Variants in AKR1C2 observed in about 807,000 individuals in gnomAD.
AKR1C2 encodes the protein 3-alpha-HSD3.
AKR1C2 carries 27 observed loss-of-function variants against 39.8 expected under a neutral mutation model. The observed-to-expected ratio is 0.68, with a 90% CI of 0.50 to 0.93. AKR1C2 has a LOEUF of 0.93. AKR1C2 is among the 40% of genes least tolerant of loss of function. The pLI is 0.00. For synonymous variants in AKR1C2, 114 were observed against 137.9 expected (o/e 0.83, Z 1.22); for missense variants, 263 against 365.1 (o/e 0.72, Z 2.28).
At chr10:5,009,740 G>A (rs1410369645) in intron 1 of AKR1C2, among the ~76,000 whole-genome samples, 3 of 152,026 alleles carry the variant, frequency 2.0e-5, no homozygotes, top group South Asian at 2.1e-4. Context: ...AACCCCCAAA[G>A]CCTAAGTTCC....
chr10:5,015,390 G>A (rs1231143673), intron 1 of AKR1C2, among the ~76,000 whole-genome samples: 1 of 152,150 alleles, frequency 6.6e-6, no homozygotes, highest in African/African-American at 2.4e-5. Context: ...TGACAGTTAT[G>A]TCCCAAATTA....
intron 1 of AKR1C2, among the ~76,000 whole-genome samples, chr10:5,011,135 T>G (rs1554774892): frequency 1.3e-5 from 2 of 151,052 alleles, no homozygotes; most frequent in Non-Finnish European, 2.9e-5. Context: ...ATCCAAAATT[T>G]ATAAGGAACT....
chr10:4,999,328 C>T (rs1419051254), intron 3 of AKR1C2, 51 bp from the exon 4 acceptor site: 1 of 1,560,694 alleles, frequency 6.4e-7, no homozygotes, highest in African/African-American at 1.4e-5. Flanking sequence ...TTTCTCCACA[C>T]ATAGCCATGC....
intron 1 of AKR1C2, among the ~76,000 whole-genome samples, chr10:5,002,977 A>G (rs1554774009): frequency 6.6e-6 from 1 of 152,216 alleles, no homozygotes; most frequent in Non-Finnish European, 1.5e-5. Flanking sequence ...CAAATTTTAT[A>G]TAACTAGTTC....
chr10:5,000,584 T>C lies in AKR1C2; in HGVS notation c.335A>G (p.Asp112Gly). ...SLKNLQLDYV[D>G]LYLIHFPVSV... ...CACTGGAAAATGAATAAGATAGAGG[T>C]CAACATAGTCCAATTGAAGATTTTT... The change falls in exon 3 of 9, where the codon GAC (aspartate) becomes GGC (glycine). Residue 112 changes from aspartate to glycine, a missense_variant. Asp to Gly is a moderately conservative substitution (Grantham distance 94). Transcript: ENST00000380753. 1 of 1,613,948 alleles carries C rather than the reference T, an allele frequency of 6.2e-7. No homozygotes were observed. Among genetic ancestry groups the C allele is most frequent in the Non-Finnish European group, 8.5e-7 (1 of 1,179,912 alleles).
chr10:4,998,068 C>A (rs1356961604), intron 5 of AKR1C2, among the ~76,000 whole-genome samples: 2 of 152,202 alleles, frequency 1.3e-5, no homozygotes, highest in Admixed American at 6.5e-5. Flanking sequence ...ATAAACAGGT[C>A]ATTTTCTCTT....
chr10:5,002,714 T>C (rs1564333063), intron 1 of AKR1C2, among the ~76,000 whole-genome samples: 1 of 152,188 alleles, frequency 6.6e-6, no homozygotes, highest in Non-Finnish European at 1.5e-5. Context: ...CTTGAAAGTA[T>C]TTCAGAGGCT....
upstream of AKR1C2, chr10:5,006,478 C>T (rs1837405281): frequency 1.3e-5 from 2 of 152,302 alleles, no homozygotes; most frequent in African/African-American, 4.8e-5. Flanking sequence ...GGGCGCACAT[C>T]TGTAATTCCA....
At chr10:4,995,020 C>A (rs1836981757) in intron 7 of AKR1C2, among the ~76,000 whole-genome samples, 1 of 71,472 alleles carries the variant, frequency 1.4e-5, no homozygotes, top group Non-Finnish European at 2.7e-5. Context: ...TAAAGAACAT[C>A]TAATCAATGC....
intron 1 of AKR1C2, among the ~76,000 whole-genome samples, chr10:5,009,823 G>A (rs1837483728): frequency 6.6e-6 from 1 of 151,502 alleles, no homozygotes; most frequent in Admixed American, 6.6e-5. Flanking sequence ...CAGAAAGAGA[G>A]AAGAGGAGGG....
At chr10:5,015,464 A>C (rs559109000) in intron 1 of AKR1C2, among the ~76,000 whole-genome samples, 3 of 152,224 alleles carry the variant, frequency 2.0e-5, no homozygotes, top group African/African-American at 7.2e-5. Context: ...AGTAGCATAA[A>C]TTCCCTCTGT....
chr10:5,007,125 CAGG>C (rs1837423538), upstream of AKR1C2, among the ~76,000 whole-genome samples: 1 of 147,438 alleles, frequency 6.8e-6, no homozygotes, highest in Admixed American at 6.9e-5. Flanking sequence ...GTAGAAGCTG[CAGG>C]AGTTCATTGC....
chr10:5,001,614 G>C lies in AKR1C2; in HGVS notation c.152C>G (p.Ser51Cys), dbSNP rs563941205. Residue 51 changes from serine to cysteine, a missense_variant, in exon 2 of 9, where the codon TCT becomes TGT. Ser to Cys is a moderately radical substitution (Grantham distance 112). Coordinates refer to ENST00000380753, the MANE Select transcript of AKR1C2 (RefSeq NM_001393392.1). The part of the protein sequence containing the change: ...AIEAGFHHID[S>C]AHVYNNEEQV... The stretch of plus-strand genomic sequence containing the variant: ...CTCCTCATTATTGTAAACATGTGCA[G>C]AATCAATATGGTGGAACCCGGCTTC... 49 of 1,614,036 alleles carry C rather than the reference G, an allele frequency of 3.0e-5. No homozygotes were observed. The South Asian group carries it at 5.2e-4, about 17-fold the overall frequency.
chr10:5,013,279 A>G (rs1837560766), intron 1 of AKR1C2: 1 of 152,198 alleles, frequency 6.6e-6, no homozygotes, highest in African/African-American at 2.4e-5. Flanking sequence ...ACCTTATCTA[A>G]TATTTATGAA....
rs138707913 is a variant in AKR1C2, at chr10:5,003,761, C to T, written c.75G>A (p.Ala25=). 963 of 1,613,098 alleles carry T rather than the reference C, an allele frequency of 6.0e-4. 2 individuals are homozygous for T. The African/African-American group carries it at 0.01, about 17-fold the overall frequency. Residue 25 remains alanine, a synonymous_variant, in exon 1 of 9, where the codon GCG becomes GCA. Coordinates refer to ENST00000380753, the MANE Select transcript of AKR1C2 (RefSeq NM_001393392.1). The part of the protein sequence containing the change: ...FMPVLGFGTY[A]PAEVPKSKAL... ...AAAATATTATTGTTACCTCTGCAGG[C>T]GCATAGGTGCCAAATCCCAGGACAG...
chr10:5,017,683 C>G (rs1837670276), intron 1 of AKR1C2, among the ~76,000 whole-genome samples: 1 of 152,108 alleles, frequency 6.6e-6, no homozygotes, highest in African/African-American at 2.4e-5. Context: ...TCCAATCACA[C>G]CTACTACCTA....
Position 5,003,327 on chromosome 10 carries a change from G to A in AKR1C2, c.84+425C>T, listed in dbSNP as rs182028661. Among the ~76,000 whole-genome samples, 7 of 150,554 alleles carry A rather than the reference G, an allele frequency of 4.6e-5. No individual in the cohort carries two copies. The East Asian group carries it at 1.4e-3, about 29-fold the overall frequency. ...CTAGTATTACAGTGTGGTGCTCAAG[G>A]CCGCCCATCAGAACAGTGATACTCT... On this transcript the variant is annotated intron_variant, in intron 1 of 8. Transcript: ENST00000380753.
upstream of AKR1C2, chr10:5,003,921 G>C: frequency 1.8e-6 from 2 of 1,107,326 alleles, no homozygotes; most frequent in South Asian, 1.4e-5. Context: ...TGAGCACACT[G>C]TCTGCTGGTT....
At chr10:4,999,567 T>C (rs1325019114) in intron 3 of AKR1C2, 9 of 314,934 alleles carry the variant, frequency 2.9e-5, no homozygotes, top group Non-Finnish European at 5.5e-5. Context: ...CCTATAATTT[T>C]CTCTGTGGCA....
Sources: allele counts gnomAD v4.1 joint callset (sites outside exome capture counted in the v4.1 genomes callset), GRCh38; gene constraint gnomAD v4.1.1; transcripts MANE v1.5; gene names NCBI Gene and HGNC (gene_info 2026-07-23, HGNC 2026-07-21).